The following METTL15 variants were observed in gnomAD, a reference collection of about 807,000 sequenced individuals.
METTL15 encodes the protein 12S rRNA N(4)-cytidine methyltransferase METTL15.
Under a neutral mutation model 38.3 loss-of-function variants are expected in METTL15, and 34 were observed. The ratio of observed to expected loss-of-function variants is 0.89; its 90% confidence interval spans 0.68 to 1.18. METTL15 has a LOEUF of 1.18. METTL15 is among the 50% of genes most tolerant of loss of function. The pLI, the probability that METTL15 is intolerant of heterozygous loss-of-function variation, is 0.00. For synonymous variants in METTL15, 162 were observed against 170.9 expected (o/e 0.95, Z 0.41); for missense variants, 438 against 498.4 (o/e 0.88, Z 1.15).
At chr11:28,356,578 G>T (rs1160902782) in intron 4 of METTL15, among the ~76,000 whole-genome samples, 1 of 152,184 alleles carries the variant, frequency 6.6e-6, no homozygotes, top group African/African-American at 2.4e-5. Context: ...AGAAAGCCAA[G>T]CCAGGTGCTC....
rs532290889 is a variant in METTL15, at chr11:28,391,545, C to T, written c.*358+29509C>T. On this transcript the variant is annotated intron_variant and NMD_transcript_variant, in intron 5 of 7. Coordinates refer to the METTL15 transcript ENST00000532947. ...CAAAAGAACAAAGCTGGAGGCATCA[C>T]GCTACCTGACTTCAAATTGTACTAC... Among the ~76,000 whole-genome samples the T allele has an allele frequency of 3.1e-3, 466 of 151,958 alleles. 5 individuals carry two copies. The highest frequency in any genetic ancestry group is 0.011 in the African/African-American group (446 of 41,488).
chr11:28,294,647 G>A (rs1415997454), intron 5 of METTL15, among the ~76,000 whole-genome samples: 1 of 152,086 alleles, frequency 6.6e-6, no homozygotes, highest in Non-Finnish European at 1.5e-5. Flanking sequence ...GTAAGTCAGT[G>A]AACTCTGGAG....
chr11:28,521,461 T>C (rs1362682611), intron 6 of METTL15, among the ~76,000 whole-genome samples: 1 of 152,174 alleles, frequency 6.6e-6, no homozygotes, highest in East Asian at 1.9e-4. Flanking sequence ...ATGAGGCTAT[T>C]AGAGAAGACA....
intron 6 of METTL15, among the ~76,000 whole-genome samples, chr11:28,461,981 T>C (rs1851219735): frequency 6.6e-6 from 1 of 151,016 alleles, no homozygotes; most frequent in East Asian, 1.9e-4. Flanking sequence ...TTCAGTTCAT[T>C]CAATTCAACA....
intron 4 of METTL15, among the ~76,000 whole-genome samples, chr11:28,249,534 T>A (rs995701629): frequency 2.5e-4 from 38 of 152,000 alleles, no homozygotes; most frequent in African/African-American, 9.2e-4. Flanking sequence ...AAATATTGTA[T>A]TTTCTTGTTG....
chr11:28,224,462 TTAAAA>T (rs1853387242), intron 4 of METTL15, among the ~76,000 whole-genome samples: 1 of 151,926 alleles, frequency 6.6e-6, no homozygotes, highest in African/African-American at 2.4e-5. Flanking sequence ...TGAGAAAAAA[TTAAAA>T]TAATTCATAG....
At chr11:28,198,281 G>A (rs1211386312) in intron 3 of METTL15, among the ~76,000 whole-genome samples, 1 of 151,986 alleles carries the variant, frequency 6.6e-6, no homozygotes, top group East Asian at 1.9e-4. Flanking sequence ...TCTGTTGTAC[G>A]TGACTTGGAC....
chr11:28,352,680 T>A (rs1461585079), intron 4 of METTL15, among the ~76,000 whole-genome samples: 5 of 152,148 alleles, frequency 3.3e-5, no homozygotes, highest in Non-Finnish European at 7.4e-5. Flanking sequence ...TTTCTCCCAG[T>A]ACCTCAGCCC....
At chr11:28,303,710 A>G (rs1157275851) in intron 6 of METTL15, among the ~76,000 whole-genome samples, 1 of 152,174 alleles carries the variant, frequency 6.6e-6, no homozygotes, top group Non-Finnish European at 1.5e-5. Flanking sequence ...GGATACGTAC[A>G]TTCCCAGCCA....
intron 3 of METTL15, among the ~76,000 whole-genome samples, chr11:28,155,998 A>T (rs939569699): frequency 2.0e-4 from 31 of 152,332 alleles, no homozygotes; most frequent in African/African-American, 7.2e-4. Context: ...AACGTGACTT[A>T]GCAGAAACTA....
chr11:28,236,455 T>C (rs1353957150), intron 4 of METTL15, among the ~76,000 whole-genome samples: 1 of 152,196 alleles, frequency 6.6e-6, no homozygotes, highest in Non-Finnish European at 1.5e-5. Context: ...TTTTGGTTGG[T>C]AAGCTATTGT....
At chr11:28,218,581 A>T (rs1367829056) in intron 4 of METTL15, among the ~76,000 whole-genome samples, 1 of 152,136 alleles carries the variant, frequency 6.6e-6, no homozygotes, top group African/African-American at 2.4e-5. Flanking sequence ...CCTGGCCAGA[A>T]CTTCCAACAC....
intron 4 of METTL15, among the ~76,000 whole-genome samples, chr11:28,289,024 G>A (rs1382812452): frequency 6.6e-6 from 1 of 152,074 alleles, no homozygotes; most frequent in Non-Finnish European, 1.5e-5. Context: ...TCAAGTATCA[G>A]TTATGTGATA....
chr11:28,281,075 A>T (rs1044059005), intron 4 of METTL15, among the ~76,000 whole-genome samples: 3 of 152,098 alleles, frequency 2.0e-5, no homozygotes, highest in East Asian at 1.9e-4. Flanking sequence ...ATTGTTTTTT[A>T]AAAAATTATT....
chr11:28,204,704 C>A (rs1006418281), intron 3 of METTL15, among the ~76,000 whole-genome samples: 1 of 151,846 alleles, frequency 6.6e-6, no homozygotes, highest in Admixed American at 6.6e-5. Flanking sequence ...GTGTATATAA[C>A]ATCTAATGAC....
At chr11:28,506,755 T>C (rs1590397951) in intron 6 of METTL15, among the ~76,000 whole-genome samples, 1 of 88,710 alleles carries the variant, frequency 1.1e-5, no homozygotes, top group African/African-American at 3.6e-5. Context: ...TTTTTTTTTT[T>C]TTTTTTTGAG....
chr11:28,375,165 A>G (rs972001634), intron 5 of METTL15, among the ~76,000 whole-genome samples: 3 of 145,272 alleles, frequency 2.1e-5, no homozygotes, highest in Admixed American at 7.0e-5. Flanking sequence ...TGGTATCAGA[A>G]TGATGCTGGC....
intron 6 of METTL15, among the ~76,000 whole-genome samples, chr11:28,433,047 G>A (rs1020509513): frequency 2.7e-5 from 4 of 150,580 alleles, no homozygotes; most frequent in Non-Finnish European, 5.9e-5. Context: ...TTTTTCAAAT[G>A]TCATCTTGTT....
intron 6 of METTL15, among the ~76,000 whole-genome samples, chr11:28,321,305 CCCA>C (rs1287658198): frequency 6.6e-6 from 1 of 151,946 alleles, no homozygotes; most frequent in Non-Finnish European, 1.5e-5. Flanking sequence ...AGTGTTTTAC[CCCA>C]CATCAAATAG....
Sources: gnomAD v4.1 joint callset for allele counts (sites outside exome capture counted in the v4.1 genomes callset) on GRCh38, gnomAD v4.1.1 for gene constraint, MANE v1.5 for transcripts, NCBI Gene and HGNC (gene_info 2026-07-23, HGNC 2026-07-21) for gene names.